C7orf78: variants seen among roughly 807,000 people sequenced by gnomAD.
C7orf78 encodes the protein chromosome 7 open reading frame 78, also known as putative uncharacterized protein C7orf78.
At chr7:12,494,968 C>A in the C7orf78 span, among the ~76,000 whole-genome samples, 1 of 152,124 alleles carries the variant, frequency 6.6e-6, no homozygotes, top group African/African-American at 2.4e-5. Context: ...AGTTGACATC[C>A]AAACTCAGTA....
the C7orf78 span, among the ~76,000 whole-genome samples, chr7:12,521,725 A>C: frequency 2.0e-5 from 3 of 149,642 alleles, no homozygotes; most frequent in Admixed American, 6.8e-5. Flanking sequence ...ATCTTTCTGA[A>C]ATACAAATAA....
At chr7:12,533,131 T>C in the C7orf78 span, among the ~76,000 whole-genome samples, 1 of 152,190 alleles carries the variant, frequency 6.6e-6, no homozygotes, top group Non-Finnish European at 1.5e-5. Flanking sequence ...AGCTTGGTAA[T>C]TGGTGGCTCA....
chr7:12,483,719 A>AC, the C7orf78 span: 1 of 150,974 alleles, frequency 6.6e-6, no homozygotes, highest in Non-Finnish European at 1.5e-5. Context: ...ACTACAAAAA[A>AC]AAAAAAAAAT....
At chr7:12,518,772 T>C in the C7orf78 span, among the ~76,000 whole-genome samples, 2 of 151,982 alleles carry the variant, frequency 1.3e-5, no homozygotes, top group Admixed American at 6.6e-5. Context: ...GTTGAGACAG[T>C]CTGTGATGGT....
the C7orf78 span, among the ~76,000 whole-genome samples, chr7:12,503,811 A>G: frequency 1.3e-5 from 2 of 152,140 alleles, no homozygotes; most frequent in Non-Finnish European, 2.9e-5. Context: ...AATTTTCCAC[A>G]TAAATTATGT....
chr7:12,484,873 C>G, the C7orf78 span, among the ~76,000 whole-genome samples: 3 of 152,030 alleles, frequency 2.0e-5, no homozygotes, highest in East Asian at 1.9e-4. Context: ...AATTTAAATG[C>G]TCCTCCCCCA....
the C7orf78 span, among the ~76,000 whole-genome samples, chr7:12,524,145 C>G: frequency 6.6e-6 from 1 of 152,140 alleles, no homozygotes; most frequent in Non-Finnish European, 1.5e-5. Flanking sequence ...CTTCTAAGAT[C>G]AGAGTATCCC....
the C7orf78 span, among the ~76,000 whole-genome samples, chr7:12,536,661 A>G: frequency 2.0e-5 from 3 of 152,278 alleles, no homozygotes; most frequent in Middle Eastern, 3.4e-3. Flanking sequence ...AATTTTCTGA[A>G]CTTTTATGCT....
At chr7:12,499,085 C>T in the C7orf78 span, among the ~76,000 whole-genome samples, 15 of 152,010 alleles carry the variant, frequency 9.9e-5, no homozygotes, top group South Asian at 4.2e-4. Flanking sequence ...CTGAAGGAAG[C>T]GCTAAACATG....
the C7orf78 span, among the ~76,000 whole-genome samples, chr7:12,517,808 T>G: frequency 3.8e-4 from 58 of 152,298 alleles, no homozygotes; most frequent in African/African-American, 1.4e-3. Flanking sequence ...TTCTTTGTAT[T>G]GTTTTTCAGC....
chr7:12,487,009 C>T, the C7orf78 span: 2 of 151,624 alleles, frequency 1.3e-5, no homozygotes, highest in Non-Finnish European at 2.9e-5. Context: ...AAGAAGTATC[C>T]ATTTGTGTAT....
the C7orf78 span, among the ~76,000 whole-genome samples, chr7:12,525,110 A>G: frequency 2.0e-5 from 3 of 152,112 alleles, no homozygotes; most frequent in Non-Finnish European, 4.4e-5. Context: ...TGGAACTTTT[A>G]ATATTGTTCT....
the C7orf78 span, among the ~76,000 whole-genome samples, chr7:12,524,550 A>G: frequency 7.5e-3 from 1,145 of 152,268 alleles, 13 homozygotes; most frequent in Middle Eastern, 0.02. Flanking sequence ...TGGTTTATTT[A>G]AATACCTTAC....
the C7orf78 span, among the ~76,000 whole-genome samples, chr7:12,493,790 T>A: frequency 1.7e-4 from 26 of 152,316 alleles, no homozygotes; most frequent in South Asian, 4.1e-4. Context: ...TGCTGGCAAG[T>A]ATAAAATACC....
chr7:12,533,771 C>T, the C7orf78 span, among the ~76,000 whole-genome samples: 1 of 152,160 alleles, frequency 6.6e-6, no homozygotes, highest in East Asian at 1.9e-4. Context: ...CTGTCTCGGC[C>T]TCCCAAAGTG....
At chr7:12,511,352 A>T in the C7orf78 span, among the ~76,000 whole-genome samples, 1 of 152,104 alleles carries the variant, frequency 6.6e-6, no homozygotes, top group Admixed American at 6.5e-5. Context: ...GCTCAGTATT[A>T]CTTTGGCAAT....
the C7orf78 span, among the ~76,000 whole-genome samples, chr7:12,498,789 C>A: frequency 2.0e-5 from 3 of 149,326 alleles, no homozygotes; most frequent in Non-Finnish European, 4.5e-5. Flanking sequence ...TTGTCAGATT[C>A]ACCAAAGTTG....
chr7:12,531,256 G>A, the C7orf78 span, among the ~76,000 whole-genome samples: 7 of 152,160 alleles, frequency 4.6e-5, no homozygotes, highest in Non-Finnish European at 1.0e-4. Flanking sequence ...TTTAAGTGGA[G>A]CCTGAAAGAA....
At chr7:12,487,174 TG>T in the C7orf78 span, 1 of 152,074 alleles carries the variant, frequency 6.6e-6, no homozygotes, top group Admixed American at 6.6e-5. Context: ...TGAAATAATT[TG>T]GGGAATAATT....
Sources: allele counts gnomAD v4.1 joint callset (sites outside exome capture counted in the v4.1 genomes callset), GRCh38; gene constraint gnomAD v4.1.1; transcripts MANE v1.5; gene names NCBI Gene and HGNC (gene_info 2026-07-23, HGNC 2026-07-21).